The following PRTN3 variants were observed in gnomAD, a reference collection of about 807,000 sequenced individuals.
The protein encoded by PRTN3 is proteinase 3.
A neutral mutation model predicts 20.7 loss-of-function variants in PRTN3; 22 were observed. That is an observed-to-expected ratio of 1.06 (90% CI 0.76 to 1.52). PRTN3 has a LOEUF of 1.52. Among genes scored for constraint, PRTN3 ranks in the 40% most tolerant of loss-of-function variants. PRTN3 has a pLI of 0.00. For missense variants in PRTN3, 378 were observed against 359.6 expected (o/e 1.05, Z -0.41); for synonymous variants, 173 against 152.9 (o/e 1.13, Z -0.97).
At chr19:844,697 C>A (rs1039005882) in intron 3 of PRTN3, among the ~76,000 whole-genome samples, 3 of 151,312 alleles carry the variant, frequency 2.0e-5, no homozygotes, top group Non-Finnish European at 4.4e-5. Flanking sequence ...GCCCTCCTAG[C>A]CTCCTCCCAC....
rs779427528 is a variant in PRTN3, at chr19:843,996, G to C, written c.331G>C (p.Asp111His). 4 of 1,607,006 alleles carry C rather than the reference G, an allele frequency of 2.5e-6. No individual in the cohort carries two copies. Among genetic ancestry groups the C allele is most frequent in the African/African-American group, 1.3e-5 (1 of 74,794 alleles). The change falls in exon 3 of 5, where the codon GAC becomes CAC. Residue 111 changes from aspartate (D) to histidine (H), a missense_variant. Coordinates refer to ENST00000234347, the MANE Select transcript of PRTN3 (RefSeq NM_002777.4). ...GGCTCAGGTGTTTCTGAACAACTAC[G>C]ACGCGGAGAACAAACTGAACGACGT... ...SVAQVFLNNY[D>H]AENKLNDVLL...
At chr19:842,586 A>ATTT (rs71174326) in intron 1 of PRTN3, among the ~76,000 whole-genome samples, 678 of 65,448 alleles carry the variant, frequency 0.01, 105 homozygotes, top group African/African-American at 0.051. Flanking sequence ...CACCTGGCTA[A>ATTT]TTTTTTTTTT....
chr19:846,054 GGTGGTGGGTGTGGTGGGT>G (rs551839050), intron 3 of PRTN3, 75 bp from the exon 4 acceptor site: 6 of 928,920 alleles, frequency 6.5e-6, no homozygotes, highest in Non-Finnish European at 7.6e-6. Flanking sequence ...GGCGTTTTGA[GGTGGTGGGTGTGGTGGGT>G]GTGGTGGGAG....
At chr19:843,863 C>G in intron 2 of PRTN3, 30 bp from the exon 3 acceptor site, 1 of 1,560,832 alleles carries the variant, frequency 6.4e-7, no homozygotes. Flanking sequence ...GTGTCCAGGG[C>G]GCCGAGGAGT....
Position 846,378 on chromosome 19 carries a change from G to C in PRTN3, c.600+1G>C, listed in dbSNP as rs1254336993. Reference sequence around the variant, plus strand: ...TCGCCGCAAGGCCGGCATCTGCTTCGTAAGTAACCGTGCCCCCACCCCGGG... The same window carrying C: ...TCGCCGCAAGGCCGGCATCTGCTTCCTAAGTAACCGTGCCCCCACCCCGGG... On this transcript the variant is annotated splice_donor_variant, in intron 4 of 4. Transcript: ENST00000234347. LOFTEE classifies it high-confidence loss of function. 2 of 1,550,506 alleles carry C rather than the reference G, an allele frequency of 1.3e-6. No homozygotes were observed. The highest frequency in any genetic ancestry group is 1.7e-6 in the Non-Finnish European group (2 of 1,147,616).
At chr19:844,175 T>C in intron 3 of PRTN3, 141 bp downstream of exon 3, 2 of 1,157,250 alleles carry the variant, frequency 1.7e-6, no homozygotes, top group Non-Finnish European at 2.3e-6. Flanking sequence ...CCAGTGGCAC[T>C]GGCCGGGGGA....
At chr19:841,130 T>G in intron 1 of PRTN3, 61 bp downstream of exon 1, 5 of 1,571,632 alleles carry the variant, frequency 3.2e-6, no homozygotes, top group Non-Finnish European at 4.3e-6. Context: ...TGGGGAAATA[T>G]CCACCACGAG....
intron 4 of PRTN3, among the ~76,000 whole-genome samples, 177 bp downstream of exon 4, chr19:846,554 C>G (rs1036996151): frequency 6.6e-6 from 1 of 152,134 alleles, no homozygotes; most frequent in African/African-American, 2.4e-5. Context: ...GGGGCGCTCA[C>G]ATTGCACCTG....
chr19:846,508 C>G, intron 4 of PRTN3, 131 bp downstream of exon 4: 3 of 931,762 alleles, frequency 3.2e-6, no homozygotes, highest in Non-Finnish European at 4.8e-6. Context: ...GGAAGGTGGG[C>G]ACACCCAACA....
chr19:843,816 C>T (rs2035477643), intron 2 of PRTN3, 77 bp from the exon 3 acceptor site: 2 of 1,500,032 alleles, frequency 1.3e-6, no homozygotes, highest in Admixed American at 4.5e-5. Flanking sequence ...GGGGCTGCAC[C>T]GCGGCCTCGG....
In PRTN3 at chr19:848,064, T is replaced by C; in HGVS notation, c.*95T>C. On this transcript the variant is annotated 3_prime_UTR_variant, in exon 5 of 5. Transcript: ENST00000234347. ...AGAAGCAGCTCTTCCCCGAACACTGTGGCGTCCGGGACGGCCCCACCCGTC... is the reference window on the plus strand; with the variant it reads ...AGAAGCAGCTCTTCCCCGAACACTGCGGCGTCCGGGACGGCCCCACCCGTC... 6.9e-7 allele frequency: 1 copy of C among 1,440,126 alleles called. No individual in the cohort carries two copies. Among genetic ancestry groups the C allele is most frequent in the East Asian group, 2.5e-5 (1 of 40,096 alleles). The allele number at this position is 1,440,126 out of a possible 1,614,324, so 89.2% of individuals were successfully genotyped here.
Position 841,044 on chromosome 19 carries a change from C to T in PRTN3, c.36C>T (p.Ser12=), listed in dbSNP as rs1195534411. 1.1e-5 allele frequency: 17 copies of T among 1,607,830 alleles called. No homozygotes were observed. Among genetic ancestry groups the T allele is most frequent in the East Asian group, 4.5e-5 (2 of 44,892 alleles). Reference sequence around the variant, plus strand: ...GGCCCCCCAGCCCTGCCCTGGCGTCCGTGCTGCTGGCCTTGCTGCTGAGCG... The same window carrying T: ...GGCCCCCCAGCCCTGCCCTGGCGTCTGTGCTGCTGGCCTTGCTGCTGAGCG... ...AHRPPSPALA[S]VLLALLLSGA... The change falls in exon 1 of 5, where the codon TCC becomes TCT. Residue 12 remains serine, a synonymous_variant. Transcript: ENST00000234347.
At chr19:844,487 C>A (rs1322354553) in intron 3 of PRTN3, among the ~76,000 whole-genome samples, 1 of 100,134 alleles carries the variant, frequency 1.0e-5, no homozygotes, top group African/African-American at 4.2e-5. Flanking sequence ...CCCCCGCCCG[C>A]GCCTCTCCCC....
chr19:846,432 G>T (rs888652703), intron 4 of PRTN3, 55 bp downstream of exon 4: 7 of 1,494,836 alleles, frequency 4.7e-6, no homozygotes, highest in Non-Finnish European at 5.4e-6. Context: ...GGAGGAGGGC[G>T]GCGGCCAGGG....
At chr19:841,597 CGAATGAATGAGTGAAT>C (rs2035440869) in intron 1 of PRTN3, among the ~76,000 whole-genome samples, 2 of 57,092 alleles carry the variant, frequency 3.5e-5, no homozygotes, top group African/African-American at 1.3e-4. Flanking sequence ...AATGAGTGAA[CGAATGAATGAGTGAAT>C]GAATGAATGA....
At chr19:841,990 G>C (rs1319212209) in intron 1 of PRTN3, among the ~76,000 whole-genome samples, 1 of 151,106 alleles carries the variant, frequency 6.6e-6, no homozygotes, top group Admixed American at 6.6e-5. Context: ...GCCTCCCAAA[G>C]TGCTGGGATT....
intron 4 of PRTN3, among the ~76,000 whole-genome samples, chr19:847,306 C>T (rs950025488): frequency 2.6e-5 from 4 of 151,660 alleles, no homozygotes; most frequent in South Asian, 2.1e-4. Context: ...GACCCTGTCT[C>T]GAGAGAAAGA....
Position 841,000 on chromosome 19 carries a change from G to A in PRTN3, c.-9G>A, listed in dbSNP as rs752310806. On this transcript the variant is annotated 5_prime_UTR_variant, in exon 1 of 5. Transcript: ENST00000234347. ...GGAGCTTGACCGTGGGTGCACCCTG[G>A]ACCCCACCATGGCTCACCGGCCCCC... 1.2e-6 allele frequency: 2 copies of A among 1,609,326 alleles called. No individual in the cohort carries two copies. The highest frequency in any genetic ancestry group is 1.1e-5 in the South Asian group (1 of 90,596).
Position 847,830 on chromosome 19 carries a change from G to T in PRTN3, c.632G>T (p.Gly211Val). ...GDSGGPLICD[G>V]IIQGIDSFVI... is the part of the protein sequence containing the mutation. ...TCAGGTGGCCCCCTGATCTGTGATGGCATCATCCAAGGAATAGACTCCTTC... is the reference window on the plus strand; with the variant it reads ...TCAGGTGGCCCCCTGATCTGTGATGTCATCATCCAAGGAATAGACTCCTTC... Residue 211 changes from glycine to valine, a missense_variant, in exon 5 of 5, where the codon GGC (glycine) becomes GTC (valine). Transcript: ENST00000234347. 1 of 1,609,414 alleles carries T rather than the reference G, an allele frequency of 6.2e-7. No individual in the cohort carries two copies.
Sources: allele counts gnomAD v4.1 joint callset (sites outside exome capture counted in the v4.1 genomes callset), GRCh38; gene constraint gnomAD v4.1.1; transcripts MANE v1.5; gene names NCBI Gene and HGNC (gene_info 2026-07-23, HGNC 2026-07-21).